Variants in LYPD6B observed in about 807,000 individuals in gnomAD.
LYPD6B encodes the protein LY6/PLAUR domain containing 6B, also known as ly6/PLAUR domain-containing protein 6B.
LYPD6B carries 17 observed loss-of-function variants against 22.8 expected under a neutral mutation model. That is an observed-to-expected ratio of 0.75 (90% CI 0.51 to 1.12). The LOEUF (loss-of-function observed/expected upper bound fraction) is 1.12. LYPD6B is among the 50% of genes most tolerant of loss of function. The pLI is 0.00. For missense variants in LYPD6B, 221 were observed against 258.3 expected (o/e 0.86, Z 0.99); for synonymous variants, 106 against 91.6 (o/e 1.16, Z -0.90).
At chr2:149,148,143 C>T (rs1248850169) in intron 2 of LYPD6B, among the ~76,000 whole-genome samples, 2 of 152,160 alleles carry the variant, frequency 1.3e-5, no homozygotes, top group Non-Finnish European at 2.9e-5. Context: ...CCTGCATTTT[C>T]CTTTCTGAAT....
At chr2:149,198,766 G>A (rs1692978781) in intron 3 of LYPD6B, among the ~76,000 whole-genome samples, 1 of 145,690 alleles carries the variant, frequency 6.9e-6, no homozygotes, top group Admixed American at 7.0e-5. Flanking sequence ...TGCTTGATGA[G>A]ATTTTTTGTA....
intron 2 of LYPD6B, among the ~76,000 whole-genome samples, chr2:149,134,349 T>G (rs887546621): frequency 3.3e-5 from 5 of 151,994 alleles, no homozygotes; most frequent in African/African-American, 4.8e-5. Flanking sequence ...ATTAAAGCAG[T>G]TGTTGTTGTT....
At chr2:149,214,449 A>G in intron 6 of LYPD6B, 97 bp from the exon 7 acceptor site, 1 of 1,299,230 alleles carries the variant, frequency 7.7e-7, no homozygotes, top group Non-Finnish European at 1.1e-6. Context: ...GTCTGTCTTC[A>G]GATAGAGCTC....
chr2:149,114,122 T>C lies in LYPD6B; in HGVS notation c.-66-16761T>C, dbSNP rs192742805. On this transcript the variant is annotated intron_variant, in intron 1 of 6. Coordinates refer to ENST00000409642, the MANE Select transcript of LYPD6B (RefSeq NM_177964.5). ...GATACTAGTTGAGGCTCTTGTTTGG[T>C]ACTTTACTCACATACCAGCCTCTAA... Among the ~76,000 whole-genome samples the C allele has an allele frequency of 3.3e-3, 495 of 152,292 alleles. 11 individuals are homozygous for C. The highest frequency in any genetic ancestry group is 0.031 in the Admixed American group (471 of 15,296).
chr2:149,062,019 G>A (rs1218561620), intron 1 of LYPD6B, among the ~76,000 whole-genome samples: 1 of 151,366 alleles, frequency 6.6e-6, no homozygotes, highest in African/African-American at 2.4e-5. Context: ...GCCCAGGCTG[G>A]AGTAAAAATG....
intron 3 of LYPD6B, among the ~76,000 whole-genome samples, chr2:149,182,292 T>C (rs1691789972): frequency 6.6e-6 from 1 of 152,240 alleles, no homozygotes; most frequent in Non-Finnish European, 1.5e-5. Context: ...ATCAGTTTTT[T>C]GGGTCGAAGA....
At chr2:149,047,890 C>T (rs553154365) in intron 1 of LYPD6B, among the ~76,000 whole-genome samples, 2 of 151,954 alleles carry the variant, frequency 1.3e-5, no homozygotes, top group East Asian at 3.9e-4. Context: ...ATGATTTTTT[C>T]CTTTGCTGTA....
chr2:149,146,875 C>G (rs976178826), intron 2 of LYPD6B, among the ~76,000 whole-genome samples: 1 of 152,186 alleles, frequency 6.6e-6, no homozygotes, highest in African/African-American at 2.4e-5. Flanking sequence ...GTAGAATCTT[C>G]TACAAATTTT....
intron 1 of LYPD6B, among the ~76,000 whole-genome samples, chr2:149,121,509 G>T (rs534302123): frequency 2.0e-5 from 3 of 152,316 alleles, no homozygotes; most frequent in Admixed American, 6.5e-5. Flanking sequence ...TGGTTCAAAT[G>T]AAGAGGATGT....
intron 1 of LYPD6B, among the ~76,000 whole-genome samples, chr2:149,071,969 T>G (rs956874124): frequency 6.6e-6 from 1 of 152,180 alleles, no homozygotes. Context: ...TCTTGCTTTG[T>G]CACCCAAGCT....
intron 3 of LYPD6B, among the ~76,000 whole-genome samples, chr2:149,203,220 T>C (rs1693284775): frequency 6.6e-6 from 1 of 152,210 alleles, no homozygotes; most frequent in Non-Finnish European, 1.5e-5. Flanking sequence ...CAGCAACTTG[T>C]CTAAGGTCCC....
intron 2 of LYPD6B, among the ~76,000 whole-genome samples, chr2:149,151,298 C>T (rs1575070496): frequency 1.3e-5 from 2 of 152,094 alleles, no homozygotes; most frequent in East Asian, 3.9e-4. Flanking sequence ...AAGGAGGACA[C>T]AGGGAGAAGG....
intron 1 of LYPD6B, among the ~76,000 whole-genome samples, chr2:149,039,676 T>C (rs1682979606): frequency 6.6e-6 from 1 of 152,212 alleles, no homozygotes; most frequent in African/African-American, 2.4e-5. Context: ...GCTTGATTTT[T>C]CCCCCTTTGT....
At chr2:149,159,077 C>T (rs887337919) in intron 2 of LYPD6B, among the ~76,000 whole-genome samples, 3 of 152,060 alleles carry the variant, frequency 2.0e-5, no homozygotes, top group Admixed American at 2.0e-4. Flanking sequence ...CTTGCCAGAT[C>T]ACTTTAGTGT....
intron 1 of LYPD6B, among the ~76,000 whole-genome samples, chr2:149,082,344 G>A (rs1014852589): frequency 5.9e-5 from 9 of 152,182 alleles, no homozygotes; most frequent in Admixed American, 3.9e-4. Flanking sequence ...TCACTGCCAT[G>A]ATAGACAAAA....
intron 2 of LYPD6B, among the ~76,000 whole-genome samples, chr2:149,155,651 T>A (rs1689653191): frequency 6.6e-6 from 1 of 152,214 alleles, no homozygotes; most frequent in Non-Finnish European, 1.5e-5. Flanking sequence ...GGCTAAGTGA[T>A]CCCTCATTCT....
chr2:149,069,810 C>T (rs934664412), intron 1 of LYPD6B, among the ~76,000 whole-genome samples: 4 of 151,996 alleles, frequency 2.6e-5, no homozygotes, highest in Non-Finnish European at 2.9e-5. Flanking sequence ...TGGTTCCAGT[C>T]CTGCAGAAGC....
At chr2:149,208,256 A>G in intron 4 of LYPD6B, 58 bp from the exon 5 acceptor site, 1 of 1,229,844 alleles carries the variant, frequency 8.1e-7, no homozygotes, top group Non-Finnish European at 1.2e-6. Context: ...ACCATGTTTG[A>G]TGTTCGAAAT....
At chr2:149,058,900 A>C (rs1683935938) in intron 1 of LYPD6B, among the ~76,000 whole-genome samples, 1 of 152,238 alleles carries the variant, frequency 6.6e-6, no homozygotes, top group African/African-American at 2.4e-5. Flanking sequence ...GATTACAGGC[A>C]TGAGCCACAG....
Sources: allele counts gnomAD v4.1 joint callset (sites outside exome capture counted in the v4.1 genomes callset), GRCh38; gene constraint gnomAD v4.1.1; transcripts MANE v1.5; gene names NCBI Gene and HGNC (gene_info 2026-07-23, HGNC 2026-07-21).